PTPRN: variants seen among roughly 807,000 people sequenced by gnomAD.
The protein encoded by PTPRN is protein tyrosine phosphatase receptor type N, also known as receptor-type tyrosine-protein phosphatase-like N.
Under a neutral mutation model 108.5 loss-of-function variants are expected in PTPRN, and 70 were observed. The ratio of observed to expected loss-of-function variants is 0.65; its 90% CI spans 0.53 to 0.79. PTPRN has a LOEUF of 0.79. PTPRN is among the 30% of genes least tolerant of loss of function. The pLI is 0.00. For synonymous variants in PTPRN, 496 were observed against 524.6 expected (o/e 0.95, Z 0.75); for missense variants, 1,136 against 1,295.5 (o/e 0.88, Z 1.89).
At chr2:219,295,191 G>T in intron 18 of PTPRN, 50 bp from the exon 19 acceptor site, 3 of 1,578,592 alleles carry the variant, frequency 1.9e-6, no homozygotes, top group Non-Finnish European at 1.7e-6. Context: ...CCCAGTCCCC[G>T]CGTTGCGCGC....
At position 219,296,938 on chromosome 2, in the gene PTPRN, G is replaced by A. The variant is rs116660145; in HGVS notation, c.2236+47C>T. 3.5e-5 allele frequency: 56 copies of A among 1,612,548 alleles called. No homozygotes were observed. Among genetic ancestry groups the A allele is most frequent in the African/African-American group, 2.1e-4 (16 of 75,004 alleles). ...CCTTACCCCAAGCCCTCCAGACCTCGCAGCAGAGAGAGGGCTGGGCCAGGT... is the reference window on the plus strand; with the variant it reads ...CCTTACCCCAAGCCCTCCAGACCTCACAGCAGAGAGAGGGCTGGGCCAGGT... On this transcript the variant is annotated intron_variant, in intron 15 of 22. Coordinates refer to ENST00000295718, the MANE Select transcript of PTPRN (RefSeq NM_002846.4). This position sits in a 1 kb window ranked among gnomAD's most constrained non-coding sequence, Gnocchi z 6.0.
intron 3 of PTPRN, among the ~76,000 whole-genome samples, chr2:219,306,704 C>A (rs1383233822): frequency 2.0e-5 from 3 of 152,208 alleles, no homozygotes; most frequent in African/African-American, 7.2e-5. Context: ...TCTACAGTCC[C>A]CTGGCCTCCA....
rs749531744 is a variant in PTPRN, at chr2:219,297,468, C to G, written c.1888-35G>C. ...AAGAATCAGGTGAGGTCCAAGAGTC[C>G]CCTGAAACTTTTCAACAGGGCCCTG... is the stretch of plus-strand genomic sequence containing the variant. On this transcript the variant is annotated intron_variant, in intron 13 of 22. Transcript: ENST00000295718. This position sits in a 1 kb window ranked among gnomAD's most constrained non-coding sequence, Gnocchi z 6.0. 7 of 1,605,006 alleles carry G rather than the reference C, an allele frequency of 4.4e-6. 1 individual carries two copies. The South Asian group carries it at 7.7e-5, about 18-fold the overall frequency.
In PTPRN at chr2:219,294,998, C is replaced by T. The variant is rs927826330; in HGVS notation, c.2652G>A (p.Thr884=). The T allele has an allele frequency of 1.2e-6, 2 of 1,601,518 alleles. No homozygotes were observed. The highest frequency in any genetic ancestry group is 2.7e-5 in the African/African-American group (2 of 74,016). ...SWPAEGTPAS[T]RPLLDFRRKV... ...ACCTGCGGAAGTCCAGCAGGGGCCG[C>T]GTGGAGGCCGGTGTGCCCTCTGCCG... The change falls in exon 19 of 23, where the codon ACG becomes ACA. Residue 884 remains threonine (T), a synonymous_variant. Transcript: ENST00000295718.
chr2:219,294,312 G>C (rs145546871), intron 19 of PTPRN: 109 of 387,826 alleles, frequency 2.8e-4, no homozygotes, highest in African/African-American at 2.1e-3. Context: ...TGGCAGACAG[G>C]GGAAGGAGGT....
intron 3 of PTPRN, among the ~76,000 whole-genome samples, chr2:219,306,242 T>G (rs1952481910): frequency 6.6e-6 from 1 of 152,228 alleles, no homozygotes; most frequent in Non-Finnish European, 1.5e-5. Context: ...CACGAAATAA[T>G]GCTGACTACC....
intron 12 of PTPRN, among the ~76,000 whole-genome samples, chr2:219,298,560 T>A (rs917121540): frequency 6.6e-6 from 1 of 150,910 alleles, no homozygotes; most frequent in Non-Finnish European, 1.5e-5. Context: ...CAAAAAAAAA[T>A]TTAGCCGGGT....
intron 20 of PTPRN, 85 bp downstream of exon 20, chr2:219,291,385 T>C: frequency 6.9e-7 from 1 of 1,450,662 alleles, no homozygotes; most frequent in Non-Finnish European, 9.7e-7. Context: ...TGCAGTTTGC[T>C]AGCACCAAGG....
At chr2:219,306,157 C>A (rs1435670322) in intron 3 of PTPRN, among the ~76,000 whole-genome samples, 3 of 152,056 alleles carry the variant, frequency 2.0e-5, no homozygotes, top group Non-Finnish European at 4.4e-5. Flanking sequence ...TCTCAAACAA[C>A]AACAACAACA....
chr2:219,303,607 C>G, intron 4 of PTPRN, 128 bp downstream of exon 4: 1 of 820,294 alleles, frequency 1.2e-6, no homozygotes, highest in Non-Finnish European at 2.0e-6. Context: ...ACCATTCCTG[C>G]ACCTCTTTAC....
At position 219,290,374 on chromosome 2, in the gene PTPRN, G is replaced by T. The variant is rs572076527; in HGVS notation, c.2869-77C>A. 33 of 1,425,596 alleles carry T rather than the reference G, an allele frequency of 2.3e-5. No homozygotes were observed. The highest frequency in any genetic ancestry group is 3.9e-4 in the Middle Eastern group (2 of 5,194). 88.3% of individuals were successfully genotyped at this position (1,425,596 alleles called of 1,614,324 possible). A position where few individuals can be genotyped will look rare whatever the true frequency, so the allele number is the denominator to read the frequency against. On this transcript the variant is annotated intron_variant, in intron 22 of 22. Transcript: ENST00000295718. This position sits in a 1 kb window ranked among gnomAD's most constrained non-coding sequence, Gnocchi z 4.2. ...GCCCTCAAGATGGGGGGCTTTTGGT[G>T]GGGGGAGGGCCCTGGGCAGGTCCCC...
intron 19 of PTPRN, chr2:219,294,030 C>T: frequency 2.0e-6 from 1 of 491,572 alleles, no homozygotes. Context: ...CTCCTTTCGA[C>T]AGTCTTTGCC....
At chr2:219,291,620 C>T (rs1369220033) in intron 19 of PTPRN, 97 bp from the exon 20 acceptor site, 21 of 1,228,456 alleles carry the variant, frequency 1.7e-5, no homozygotes, top group Non-Finnish European at 1.9e-5. Flanking sequence ...TTCCTTTTCT[C>T]CCCACCTGCC....
rs758287281 is a variant in PTPRN at position 219,296,834 on chromosome 2, C to G, written c.2237-12G>C. On this transcript the variant is annotated splice_polypyrimidine_tract_variant and intron_variant, in intron 15 of 22. Coordinates refer to ENST00000295718, the MANE Select transcript of PTPRN (RefSeq NM_002846.4). The surrounding 1 kb of genome is among the most constrained non-coding windows in gnomAD (Gnocchi z 6.0). ...GCGGGCATGGTCATCTGCACAGACC[C>G]GACACCCCACCCCAGATGGCCCTCT... 3.1e-6 allele frequency: 5 copies of G among 1,614,052 alleles called. No homozygotes were observed. The highest frequency in any genetic ancestry group is 2.2e-5 in the East Asian group (1 of 44,870).
intron 10 of PTPRN, 125 bp from the exon 11 acceptor site, chr2:219,299,509 G>A (rs1221202324): frequency 8.3e-7 from 1 of 1,206,662 alleles, no homozygotes; most frequent in African/African-American, 1.5e-5. Flanking sequence ...GCCCTACAGG[G>A]GCATCTTAGG....
chr2:219,308,860 A>G, intron 1 of PTPRN: 2 of 1,323,930 alleles, frequency 1.5e-6, no homozygotes, highest in Non-Finnish European at 2.0e-6. Context: ...TCCCCTTCCC[A>G]TTCCTCAGCG....
At chr2:219,309,161 C>T in intron 1 of PTPRN, 57 bp downstream of exon 1, 1 of 1,451,116 alleles carries the variant, frequency 6.9e-7, no homozygotes, top group South Asian at 1.2e-5. Context: ...AGTTTCGCTC[C>T]AGGCCCCAAG....
chr2:219,308,548 C>T (rs925857853), intron 1 of PTPRN, among the ~76,000 whole-genome samples: 1 of 151,800 alleles, frequency 6.6e-6, no homozygotes, highest in African/African-American at 2.4e-5. Flanking sequence ...TTCCCCCACG[C>T]GCCACCCTCC....
intron 4 of PTPRN, among the ~76,000 whole-genome samples, chr2:219,303,406 A>G (rs1952406807): frequency 1.3e-5 from 2 of 152,246 alleles, no homozygotes; most frequent in African/African-American, 2.4e-5. Flanking sequence ...AGAAATTCAC[A>G]TAGTAATGAA....
Sources: gnomAD v4.1 joint callset for allele counts (sites outside exome capture counted in the v4.1 genomes callset) on GRCh38, gnomAD v4.1.1 for gene constraint, Gnocchi (gnomAD v3.1) non-coding constraint, MANE v1.5 for transcripts, NCBI Gene and HGNC (gene_info 2026-07-23, HGNC 2026-07-21) for gene names.